Variants in VCPIP1 observed in about 807,000 individuals in gnomAD.
The protein encoded by VCPIP1 is deubiquitinating protein VCPIP1.
A neutral mutation model predicts 85.0 loss-of-function variants in VCPIP1; 8 were observed. The ratio of observed to expected loss-of-function variants is 0.09; its 90% CI spans 0.06 to 0.17. The LOEUF (loss-of-function observed/expected upper bound fraction) is 0.17, where lower values mean the gene tolerates loss of function less well. VCPIP1 is among the 10% of genes least tolerant of loss of function. The pLI is 1.00. For missense variants in VCPIP1, 1,070 were observed against 1,486.3 expected (o/e 0.72, Z 4.61); for synonymous variants, 543 against 544.5 (o/e 1.00, Z 0.04).
intron 2 of VCPIP1, among the ~76,000 whole-genome samples, chr8:66,639,838 G>A (rs1033353521): frequency 3.3e-5 from 5 of 151,984 alleles, no homozygotes; most frequent in South Asian, 2.1e-4. Context: ...GGCTTGATAC[G>A]TTTTGATTCT....
chr8:66,665,395 C>A lies in VCPIP1; in HGVS notation c.1564G>T (p.Val522Leu). The change falls in exon 1 of 3, where the codon GTG becomes TTG. Residue 522 changes from valine (V) to leucine (L), a missense_variant. Physicochemically the swap from Val to Leu is conservative, Grantham distance 32 (BLOSUM62 1). This residue lies in a region of VCPIP1 where 123 missense variants were observed against 156.3 expected (regional missense o/e 0.79). Transcript: ENST00000310421. The surrounding 1 kb of genome is among the most constrained non-coding windows in gnomAD (Gnocchi z 4.3). The part of the protein sequence containing the change: ...LNNLVCSYDS[V>L]KDVLVPDYGM... ...TAGTCTGGTACCAGAACATCTTTCA[C>A]TGAATCATATGAGCAAACCAAATTG... is the stretch of plus-strand genomic sequence containing the variant. 1.2e-6 allele frequency: 2 copies of A among 1,614,202 alleles called. No homozygotes were observed. Among genetic ancestry groups the A allele is most frequent in the Non-Finnish European group, 1.7e-6 (2 of 1,180,036 alleles).
intron 1 of VCPIP1, among the ~76,000 whole-genome samples, chr8:66,652,711 T>C (rs1586626983): frequency 2.6e-5 from 4 of 152,226 alleles, no homozygotes; most frequent in Admixed American, 2.6e-4. Flanking sequence ...AGGGGCTATT[T>C]CAGTACTTAT....
Position 66,636,236 on chromosome 8 carries a change from CAAAAAAAAAAAA to C in VCPIP1, c.2798-876_2798-865del, listed in dbSNP as rs1180259925. On this transcript the variant is annotated intron_variant, in intron 2 of 2. Coordinates refer to ENST00000310421, the MANE Select transcript of VCPIP1 (RefSeq NM_025054.5). The stretch of plus-strand genomic sequence containing the variant: ...TGGGTGACAAAGCAAGACTCCATCT[CAAAAAAAAAAAA>C]AAAAAAAAAAAAGGTTTTGCAGGTG... Among the ~76,000 whole-genome samples, 107 of 41,526 alleles carry C rather than the reference CAAAAAAAAAAAA, an allele frequency of 2.6e-3. 3 individuals carry two copies. The East Asian group carries it at 0.043, about 17-fold the overall frequency. The allele number at this position is 41,526 out of a possible 152,430, so 27.2% of individuals were successfully genotyped here.
At position 66,632,355 on chromosome 8, in the gene VCPIP1, G is replaced by A. The variant is rs1472569467; in HGVS notation, c.*2146C>T. The A allele has an allele frequency of 1.3e-5, 2 of 152,054 alleles. No homozygotes were observed. The highest frequency in any genetic ancestry group is 3.8e-4 in the East Asian group (2 of 5,202). 9.4% of individuals were successfully genotyped at this position (152,054 alleles called of 1,614,324 possible). ...AGAAATTTGATCACTTATCAGAATT[G>A]AGCCTTTTATTCATTTATCAAGGGA... On this transcript the variant is annotated 3_prime_UTR_variant, in exon 3 of 3. Transcript: ENST00000310421.
intron 2 of VCPIP1, among the ~76,000 whole-genome samples, chr8:66,637,233 C>G (rs1189966779): frequency 6.6e-6 from 1 of 151,934 alleles, no homozygotes; most frequent in Non-Finnish European, 1.5e-5. Flanking sequence ...CACCTATAGT[C>G]TCAGCTTTTT....
At chr8:66,635,424 A>T in intron 2 of VCPIP1, 52 bp from the exon 3 acceptor site, 1 of 1,457,568 alleles carries the variant, frequency 6.9e-7, no homozygotes, top group East Asian at 2.4e-5. Flanking sequence ...GTATTAATAA[A>T]AGTGTAGTCA....
At chr8:66,646,246 T>A (rs1356620508) in intron 2 of VCPIP1, among the ~76,000 whole-genome samples, 1 of 151,952 alleles carries the variant, frequency 6.6e-6, no homozygotes, top group African/African-American at 2.4e-5. Context: ...CTAATTTTTA[T>A]ATTTTTAGTA....
In VCPIP1 at chr8:66,638,970, C is replaced by CTATATA. The variant is rs1554584185; in HGVS notation, c.2798-3604_2798-3599dup. Among the ~76,000 whole-genome samples, 82 of 118,412 alleles carry CTATATA rather than the reference C, an allele frequency of 6.9e-4. 1 individual carries two copies. The highest frequency in any genetic ancestry group is 2.1e-3 in the African/African-American group (55 of 25,680). 77.7% of individuals were successfully genotyped at this position (118,412 alleles called of 152,430 possible). ...TCTCTCTCTCTCTCTCTCTCTCTCT[C>CTATATA]TATATATATATATATACATATATTT... On this transcript the variant is annotated intron_variant, in intron 2 of 2. Transcript: ENST00000310421.
chr8:66,652,613 CAA>C (rs535325193), intron 1 of VCPIP1, among the ~76,000 whole-genome samples: 9 of 118,446 alleles, frequency 7.6e-5, no homozygotes, highest in Non-Finnish European at 9.0e-5. Context: ...AACTCTATCT[CAA>C]AAAAAAAAAA....
rs1470311265 is a variant in VCPIP1 at position 66,664,575 on chromosome 8, G to A, written c.2384C>T (p.Thr795Ile). 1.2e-6 allele frequency: 2 copies of A among 1,614,170 alleles called. No individual in the cohort carries two copies. The highest frequency in any genetic ancestry group is 1.1e-5 in the South Asian group (1 of 91,084). Residue 795 changes from threonine to isoleucine, a missense_variant, in exon 1 of 3, where the codon ACA becomes ATA. Thr to Ile is a moderately conservative substitution (Grantham distance 89). Transcript: ENST00000310421. ...ACTTTCCTGAAGTTCAAAAAAGGTT[G>A]TTGAAGACTTAAGGGTAACCATGGA... ...RQSMVTLKSS[T>I]TFFELQESIA...
At chr8:66,637,454 G>A (rs531284619) in intron 2 of VCPIP1, among the ~76,000 whole-genome samples, 14 of 148,844 alleles carry the variant, frequency 9.4e-5, no homozygotes, top group African/African-American at 3.2e-4. Flanking sequence ...AGCACTTTGG[G>A]AGGCCTGGGC....
intron 1 of VCPIP1, among the ~76,000 whole-genome samples, chr8:66,658,996 T>C (rs1413824506): frequency 6.6e-6 from 1 of 152,114 alleles, no homozygotes; most frequent in Non-Finnish European, 1.5e-5. Flanking sequence ...CTAATTTCAT[T>C]TAAGTAACTC....
At chr8:66,653,659 T>A (rs1811073461) in intron 1 of VCPIP1, 1 of 152,134 alleles carries the variant, frequency 6.6e-6, no homozygotes, top group Non-Finnish European at 1.5e-5. Context: ...AAAAATCACA[T>A]CTCTTAGGTA....
chr8:66,633,630 C>T lies in VCPIP1; in HGVS notation c.*871G>A, dbSNP rs1455528421. 6.6e-6 allele frequency: 1 copy of T among 151,690 alleles called. No individual in the cohort carries two copies. The highest frequency in any genetic ancestry group is 2.4e-5 in the African/African-American group (1 of 41,268). The allele number at this position is 151,690 out of a possible 1,614,324, so 9.4% of individuals were successfully genotyped here. ...TTAGCATATACAGGCTTAAATACCA[C>T]TGATCAAAATTGTAGAACAATTAAC... On this transcript the variant is annotated 3_prime_UTR_variant, in exon 3 of 3. Transcript: ENST00000310421.
At chr8:66,642,816 C>T (rs1237424544) in intron 2 of VCPIP1, among the ~76,000 whole-genome samples, 2 of 151,886 alleles carry the variant, frequency 1.3e-5, no homozygotes, top group Non-Finnish European at 2.9e-5. Flanking sequence ...TCAACCCCCT[C>T]CCACACACAA....
At position 66,629,809 on chromosome 8, in the gene VCPIP1, CG is replaced by C. The variant is rs1470584767; in HGVS notation, c.*4691del. On this transcript the variant is annotated 3_prime_UTR_variant, in exon 3 of 3. Transcript: ENST00000310421. Reference sequence around the variant, plus strand: ...GCTGCAGTGAGCCCTGATCATGCCACGGCAATCCAGCATGGGCAGCAGAGTG... The same window carrying C: ...GCTGCAGTGAGCCCTGATCATGCCACGCAATCCAGCATGGGCAGCAGAGTG... The C allele has an allele frequency of 6.6e-6, 1 of 152,114 alleles. No individual in the cohort carries two copies. The highest frequency in any genetic ancestry group is 6.6e-5 in the Admixed American group (1 of 15,264). The allele number at this position is 152,114 out of a possible 1,614,324, so 9.4% of individuals were successfully genotyped here. A position where few individuals can be genotyped will look rare whatever the true frequency, so the allele number is the denominator to read the frequency against.
In VCPIP1 at chr8:66,634,465, C is replaced by T; in HGVS notation, c.*36G>A. On this transcript the variant is annotated 3_prime_UTR_variant, in exon 3 of 3. Coordinates refer to ENST00000310421, the MANE Select transcript of VCPIP1 (RefSeq NM_025054.5). ...CCAGCCAACAAATATTACATATTCA[C>T]AATAAACATTCTGCCTTTATTAGCC... 6.5e-7 allele frequency: 1 copy of T among 1,531,814 alleles called. No individual in the cohort carries two copies. The highest frequency in any genetic ancestry group is 8.8e-7 in the Non-Finnish European group (1 of 1,142,298). 94.9% of individuals were successfully genotyped at this position (1,531,814 alleles called of 1,614,324 possible).
intron 2 of VCPIP1, among the ~76,000 whole-genome samples, chr8:66,638,970 C>CTCTCTCTCTCTCTCTCTCTCTCTATATA: frequency 1.7e-5 from 2 of 118,434 alleles, no homozygotes; most frequent in Non-Finnish European, 1.6e-5. Flanking sequence ...CTCTCTCTCT[C>CTCTCTCTCTCTCTCTCTCTCTCTATATA]TATATATATA....
intron 2 of VCPIP1, among the ~76,000 whole-genome samples, chr8:66,649,210 C>A (rs1253405124): frequency 1.3e-5 from 2 of 151,884 alleles, no homozygotes; most frequent in Admixed American, 6.6e-5. Context: ...TATAAACAGG[C>A]AGCAGGCTGG....
Sources: allele counts gnomAD v4.1 joint callset (sites outside exome capture counted in the v4.1 genomes callset), GRCh38; gene constraint gnomAD v4.1.1; regional missense constraint gnomAD v4.1.1; non-coding constraint Gnocchi (gnomAD v3.1); transcripts MANE v1.5; gene names NCBI Gene and HGNC (gene_info 2026-07-23, HGNC 2026-07-21).